The following DOCK8 variants were observed in gnomAD, a reference collection of about 807,000 sequenced individuals.
DOCK8 encodes dedicator of cytokinesis 8.
DOCK8 carries 141 observed loss-of-function variants against 245.6 expected under a neutral mutation model. The observed-to-expected ratio is 0.57, with a 90% CI of 0.50 to 0.66. The LOEUF (loss-of-function observed/expected upper bound fraction) is 0.66. DOCK8 is among the 30% of genes least tolerant of loss of function. The probability of loss-of-function intolerance (pLI) is 0.00; values close to 1 mark genes in which losing one functional copy is unlikely to be tolerated. For missense variants in DOCK8, 2,965 were observed against 2,603.4 expected, an observed-to-expected ratio of 1.14 and a Z score of -3.02; for synonymous variants, 1,168 against 970.2, an observed-to-expected ratio of 1.20 and a Z score of -3.79.
At chr9:374,067 A>G (rs2053414829) in intron 18 of DOCK8, among the ~76,000 whole-genome samples, 1 of 152,238 alleles carries the variant, frequency 6.6e-6, no homozygotes, top group Non-Finnish European at 1.5e-5. Flanking sequence ...CTGAGCCCAT[A>G]TCTGCATATC....
intron 9 of DOCK8, 70 bp downstream of exon 9, chr9:328,241 G>C: frequency 6.5e-7 from 1 of 1,541,660 alleles, no homozygotes; most frequent in Non-Finnish European, 8.8e-7. Flanking sequence ...CACATGTTTG[G>C]GGTGCACGCA....
At chr9:353,351 C>T (rs2052268091) in intron 14 of DOCK8, among the ~76,000 whole-genome samples, 1 of 152,170 alleles carries the variant, frequency 6.6e-6, no homozygotes, top group Non-Finnish European at 1.5e-5. Flanking sequence ...TTCCCCAACC[C>T]AAACCAAGGC....
intron 44 of DOCK8, 135 bp downstream of exon 44, chr9:446,741 T>C: frequency 1.3e-6 from 1 of 789,550 alleles, no homozygotes; most frequent in Non-Finnish European, 2.2e-6. Context: ...TATATGGTTG[T>C]CCTTTCACTC....
chr9:291,124 G>T (rs1263126079), intron 4 of DOCK8, among the ~76,000 whole-genome samples: 1 of 152,020 alleles, frequency 6.6e-6, no homozygotes, highest in Non-Finnish European at 1.5e-5. Context: ...GGTACTTTCT[G>T]GACATTAAAG....
At chr9:334,725 G>C (rs974047448) in intron 11 of DOCK8, among the ~76,000 whole-genome samples, 6 of 151,830 alleles carry the variant, frequency 4.0e-5, no homozygotes, top group African/African-American at 1.5e-4. Flanking sequence ...GTTAAGCAGA[G>C]ACACCATGGT....
intron 30 of DOCK8, 78 bp downstream of exon 30, chr9:418,285 G>C: frequency 6.3e-7 from 1 of 1,583,926 alleles, no homozygotes; most frequent in Non-Finnish European, 8.6e-7. Flanking sequence ...TTGTTTGTTT[G>C]TTTTGAGACA....
At chr9:408,719 A>G (rs16935976) in intron 28 of DOCK8, among the ~76,000 whole-genome samples, 10,962 of 152,090 alleles carry the variant, frequency 0.072, 1,319 homozygotes, top group African/African-American at 0.25. Context: ...TCTATTTTCT[A>G]TTTTCATTCT....
At chr9:451,139 C>T (rs1044601004) in intron 45 of DOCK8, among the ~76,000 whole-genome samples, 3 of 151,660 alleles carry the variant, frequency 2.0e-5, no homozygotes, top group African/African-American at 4.9e-5. Flanking sequence ...ATGGTGAAAC[C>T]CCATCTCTGC....
chr9:297,841 T>C (rs78024814), intron 4 of DOCK8, among the ~76,000 whole-genome samples: 2,505 of 152,360 alleles, frequency 0.016, 68 homozygotes, highest in African/African-American at 0.057. Flanking sequence ...AAGTTTGCTC[T>C]GGTTTCAAAC....
chr9:272,069 G>A (rs1368193211), intron 2 of DOCK8, among the ~76,000 whole-genome samples: 3 of 152,028 alleles, frequency 2.0e-5, no homozygotes, highest in Non-Finnish European at 4.4e-5. Context: ...CATTTTTTTG[G>A]AAAAGCATAT....
At chr9:409,233 CT>C (rs962572004) in intron 28 of DOCK8, among the ~76,000 whole-genome samples, 1 of 152,232 alleles carries the variant, frequency 6.6e-6, no homozygotes, top group African/African-American at 2.4e-5. Flanking sequence ...CCAGTTTCCA[CT>C]GGGTTTCCCT....
intron 43 of DOCK8, 43 bp downstream of exon 43, chr9:443,559 CCT>C: frequency 1.4e-6 from 2 of 1,475,170 alleles, no homozygotes; most frequent in Non-Finnish European, 1.9e-6. Flanking sequence ...GCTCTAAATC[CCT>C]TCGTTCTCTA....
Position 396,911 on chromosome 9 carries a change from G to C in DOCK8, c.3097G>C (p.Ala1033Pro), listed in dbSNP as rs1247183415. The change falls in exon 25 of 48, where the codon GCC (alanine) becomes CCC (proline). Residue 1033 changes from alanine to proline, a missense_variant. Around this residue, in one of 3 missense-constraint regions of DOCK8, gnomAD observed 2,825 missense variants for 2,453.5 expected, o/e 1.15. Transcript: ENST00000432829. The stretch of plus-strand genomic sequence containing the variant: ...TAATGTGGTCACCTCGGAAATTGCA[G>C]CCCTTTTAGTAAAACCACAGAAGGT... ...IVNVVTSEIA[A>P]LLVKPQKENE... 4 of 1,613,954 alleles carry C rather than the reference G, an allele frequency of 2.5e-6. No homozygotes were observed. The highest frequency in any genetic ancestry group is 3.4e-6 in the Non-Finnish European group (4 of 1,180,008).
At chr9:382,376 TTTG>T in intron 21 of DOCK8, 134 bp from the exon 22 acceptor site, 1 of 1,221,400 alleles carries the variant, frequency 8.2e-7, no homozygotes, top group Non-Finnish European at 1.2e-6. Flanking sequence ...CCAACCAGGA[TTTG>T]TTAAGAAGTC....
chr9:280,424 C>G (rs529813646), intron 2 of DOCK8, among the ~76,000 whole-genome samples: 76 of 152,258 alleles, frequency 5.0e-4, no homozygotes, highest in African/African-American at 1.7e-3. Flanking sequence ...TGTAGGAAAT[C>G]CATATGGATG....
rs75169267 is a variant in DOCK8 at position 271,572 on chromosome 9, T to C, written c.54-55T>C. 0.034 allele frequency: 45,066 copies of C among 1,320,302 alleles called. 958 individuals carry two copies. Among genetic ancestry groups the C allele is most frequent in the Middle Eastern group, 0.058 (323 of 5,548 alleles). The allele number at this position is 1,320,302 out of a possible 1,614,324, so 81.8% of individuals were successfully genotyped here. ...TGATATCAAAGATTGCATCTAAAAT[T>C]GTGATGATTTCCTAAAATAATCATT... On this transcript the variant is annotated intron_variant, in intron 1 of 47. Coordinates refer to ENST00000432829, the MANE Select transcript of DOCK8 (RefSeq NM_203447.4).
At chr9:438,430 A>G (rs527522330) in intron 39 of DOCK8, among the ~76,000 whole-genome samples, 7 of 152,304 alleles carry the variant, frequency 4.6e-5, no homozygotes, top group East Asian at 3.9e-4. Context: ...TCTGTTTTTC[A>G]TATGCATTTC....
chr9:431,998 A>C (rs1382111287), intron 36 of DOCK8, among the ~76,000 whole-genome samples, 168 bp from the exon 37 acceptor site: 2 of 152,166 alleles, frequency 1.3e-5, no homozygotes, highest in Non-Finnish European at 2.9e-5. Context: ...CAACAATATG[A>C]ATGTTGTGCA....
chr9:364,133 CA>C (rs1345565659), intron 14 of DOCK8, among the ~76,000 whole-genome samples: 1 of 152,108 alleles, frequency 6.6e-6, no homozygotes, highest in Non-Finnish European at 1.5e-5. Flanking sequence ...GTGTTCATCA[CA>C]GGTTTCTAAC....
Sources: allele counts gnomAD v4.1 joint callset (sites outside exome capture counted in the v4.1 genomes callset), GRCh38; gene constraint gnomAD v4.1.1; regional missense constraint gnomAD v4.1.1; transcripts MANE v1.5; gene names NCBI Gene and HGNC (gene_info 2026-07-23, HGNC 2026-07-21).